Variants in CLBA1 observed in about 807,000 individuals in gnomAD.
The protein encoded by CLBA1 is uncharacterized protein CLBA1.
Under a neutral mutation model 28.8 loss-of-function variants are expected in CLBA1, and 30 were observed. That is an observed-to-expected ratio of 1.04 (90% CI 0.78 to 1.41). CLBA1 has a LOEUF of 1.41. Ranked by LOEUF, CLBA1 falls within the 40% of genes most tolerant of loss-of-function variation. The probability of loss-of-function intolerance (pLI) is 0.00; values close to 1 mark genes in which losing one functional copy is unlikely to be tolerated. For synonymous variants in CLBA1, 160 were observed against 152.8 expected, an observed-to-expected ratio of 1.05 and a Z score of -0.35; for missense variants, 451 against 412.3, an observed-to-expected ratio of 1.09 and a Z score of -0.81.
downstream of CLBA1, among the ~76,000 whole-genome samples, chr14:104,997,212 A>G (rs1900171243): frequency 6.6e-6 from 1 of 152,236 alleles, no homozygotes; most frequent in African/African-American, 2.4e-5. Context: ...AAGATGCTGC[A>G]AATGAAAAAT....
Position 104,995,454 on chromosome 14 carries a change from G to A in CLBA1, c.*695G>A. 1.0e-6 allele frequency: 1 copy of A among 985,384 alleles called. No individual in the cohort carries two copies. The highest frequency in any genetic ancestry group is 1.2e-6 in the Non-Finnish European group (1 of 829,928). 61.0% of individuals were successfully genotyped at this position (985,384 alleles called of 1,614,324 possible). On this transcript the variant is annotated 3_prime_UTR_variant, in exon 5 of 5. Coordinates refer to ENST00000547315, the MANE Select transcript of CLBA1 (RefSeq NM_174891.4). ...CTAAGGAAAACTGTGCTCTTCGAAG[G>A]GCAGAGCCAAGAAGTCAGCCCTGAC...
Position 104,987,606 on chromosome 14 carries a change from C to CTTTTTTTTTTTTTT in CLBA1, c.423+770_423+783dup, listed in dbSNP as rs869117577. Among the ~76,000 whole-genome samples, 4 of 59,984 alleles carry CTTTTTTTTTTTTTT rather than the reference C, an allele frequency of 6.7e-5. 1 individual carries two copies. Among genetic ancestry groups the CTTTTTTTTTTTTTT allele is most frequent in the Non-Finnish European group, 1.2e-4 (4 of 34,246 alleles). The allele number at this position is 59,984 out of a possible 152,430, so 39.4% of individuals were successfully genotyped here. On this transcript the variant is annotated intron_variant, in intron 1 of 4. Coordinates refer to ENST00000547315, the MANE Select transcript of CLBA1 (RefSeq NM_174891.4). The stretch of plus-strand genomic sequence containing the variant: ...GGCTGGCCTGTTTTCTCTTCCTTTT[C>CTTTTTTTTTTTTTT]TTTTTTTTTTTTTTTTTTTTTTTTT...
downstream of CLBA1, among the ~76,000 whole-genome samples, chr14:104,997,237 A>G (rs887236915): frequency 2.0e-5 from 3 of 152,188 alleles, no homozygotes; most frequent in African/African-American, 7.2e-5. Context: ...TATATAAATG[A>G]TCTTTAGATG....
chr14:104,990,224 G>T, intron 2 of CLBA1: 1 of 162,204 alleles, frequency 6.2e-6, no homozygotes. Flanking sequence ...GGACACTCGT[G>T]GGACAGAAGG....
At chr14:104,992,241 GCACA>G (rs1900055218) in intron 3 of CLBA1, among the ~76,000 whole-genome samples, 1 of 149,726 alleles carries the variant, frequency 6.7e-6, no homozygotes, top group Non-Finnish European at 1.5e-5. Context: ...ACGCCACCAA[GCACA>G]CACACCACAC....
downstream of CLBA1, among the ~76,000 whole-genome samples, chr14:104,996,708 T>C (rs1056987356): frequency 5.3e-5 from 8 of 152,196 alleles, no homozygotes; most frequent in South Asian, 2.1e-4. Context: ...GGAGAAATCA[T>C]GCAGCCCCCA....
intron 3 of CLBA1, 29 bp from the exon 4 acceptor site, chr14:104,992,919 C>A: frequency 6.6e-7 from 1 of 1,516,484 alleles, no homozygotes; most frequent in Non-Finnish European, 9.2e-7. Flanking sequence ...ATGACTGTAC[C>A]GGCTGTCTGA....
downstream of CLBA1, among the ~76,000 whole-genome samples, chr14:104,998,856 C>G (rs530698329): frequency 1.1e-4 from 16 of 152,250 alleles, no homozygotes; most frequent in Non-Finnish European, 2.2e-4. Context: ...AGTGCAAACA[C>G]GGGGCATGCT....
chr14:104,987,652 C>T (rs1472132825), intron 1 of CLBA1, among the ~76,000 whole-genome samples: 2 of 110,402 alleles, frequency 1.8e-5, no homozygotes, highest in African/African-American at 3.5e-5. Context: ...CAGCCTCACT[C>T]TGTCGCTGAG....
At position 104,994,625 on chromosome 14, in the gene CLBA1, G is replaced by T. The variant is rs772596170; in HGVS notation, c.844G>T (p.Gly282Trp). 1.9e-5 allele frequency: 31 copies of T among 1,612,166 alleles called. No homozygotes were observed. The East Asian group carries it at 6.9e-4, about 36-fold the overall frequency. ...CTCGGGGCCGCCTGGCAGCAAACAG[G>T]GGAGGCTGATGACATGCAGCCGCTT... ...KLSGPPGSKQ[G>W]RLMTCSRFLK... Residue 282 changes from glycine (G) to tryptophan (W), a missense_variant, in exon 5 of 5, where the codon GGG becomes TGG. By Grantham distance (184) the Gly-to-Trp change is radical. Coordinates refer to ENST00000547315, the MANE Select transcript of CLBA1 (RefSeq NM_174891.4).
At position 104,986,265 on chromosome 14, in the gene CLBA1, G is replaced by A; in HGVS notation, c.-167G>A. 1 of 668,840 alleles carries A rather than the reference G, an allele frequency of 1.5e-6. No homozygotes were observed. Among genetic ancestry groups the A allele is most frequent in the Admixed American group, 2.9e-5 (1 of 34,102 alleles). 41.4% of individuals were successfully genotyped at this position (668,840 alleles called of 1,614,324 possible). A position where few individuals can be genotyped will look rare whatever the true frequency, so the allele number is the denominator to read the frequency against. On this transcript the variant is annotated 5_prime_UTR_variant, in exon 1 of 5. Transcript: ENST00000547315. ...TTGTGTCAGTTCCACAGCAGCACGT[G>A]GGCACTTTCCACCGTCAGCCACTGG...
In CLBA1 at chr14:104,995,107, C is replaced by A; in HGVS notation, c.*348C>A. ...GGCATGGCTTCTGGGCTGCTTAGTC[C>A]AGGGGGAGCAACTTGTGGCCAAATC... On this transcript the variant is annotated 3_prime_UTR_variant, in exon 5 of 5. Coordinates refer to ENST00000547315, the MANE Select transcript of CLBA1 (RefSeq NM_174891.4). 1.0e-6 allele frequency: 1 copy of A among 1,004,812 alleles called. No homozygotes were observed. The highest frequency in any genetic ancestry group is 1.2e-6 in the Non-Finnish European group (1 of 843,106). 62.2% of individuals were successfully genotyped at this position (1,004,812 alleles called of 1,614,324 possible).
At chr14:104,991,727 T>C in intron 3 of CLBA1, 107 bp downstream of exon 3, 1 of 1,384,852 alleles carries the variant, frequency 7.2e-7, no homozygotes, top group Admixed American at 2.3e-5. Context: ...GAGGTGTGGG[T>C]TCAGGTGGGT....
chr14:104,988,018 T>C (rs1388134703), intron 1 of CLBA1, among the ~76,000 whole-genome samples: 1 of 152,158 alleles, frequency 6.6e-6, no homozygotes, highest in Admixed American at 6.5e-5. Flanking sequence ...ATGCTTGTTT[T>C]GAATACAGGA....
intron 4 of CLBA1, 54 bp downstream of exon 4, chr14:104,993,118 A>G (rs1948042457): frequency 3.8e-6 from 6 of 1,566,586 alleles, no homozygotes; most frequent in Non-Finnish European, 5.2e-6. Context: ...GTGTCCACAC[A>G]TGTGGAGCCC....
chr14:104,993,145 T>G, intron 4 of CLBA1, 81 bp downstream of exon 4: 1 of 1,544,454 alleles, frequency 6.5e-7, no homozygotes, highest in South Asian at 1.2e-5. Flanking sequence ...TTCTCTGATG[T>G]GAGTCAGTTG....
chr14:104,989,724 C>G, intron 2 of CLBA1: 1 of 455,384 alleles, frequency 2.2e-6, no homozygotes, highest in East Asian at 6.9e-5. Flanking sequence ...TGGCCCAAGG[C>G]CCCAGAGGGA....
chr14:104,999,865 G>C (rs1244413198), downstream of CLBA1, among the ~76,000 whole-genome samples: 1 of 152,182 alleles, frequency 6.6e-6, no homozygotes, highest in Non-Finnish European at 1.5e-5. Context: ...AACCACCTAA[G>C]ATTTCATGTT....
intron 4 of CLBA1, chr14:104,993,375 G>C (rs978656953): frequency 2.0e-6 from 2 of 985,312 alleles, no homozygotes; most frequent in African/African-American, 3.5e-5. Context: ...AGGTGTGGAT[G>C]ACGAGGCTGG....
Sources: gnomAD v4.1 joint callset for allele counts (sites outside exome capture counted in the v4.1 genomes callset) on GRCh38, gnomAD v4.1.1 for gene constraint, MANE v1.5 for transcripts, NCBI Gene and HGNC (gene_info 2026-07-23, HGNC 2026-07-21) for gene names.